NUMB: variants seen among roughly 807,000 people sequenced by gnomAD.
The protein encoded by NUMB is NUMB endocytic adaptor protein, also known as protein numb homolog.
In NUMB, 29 loss-of-function variants were observed where a neutral mutation model predicts 59.7. The ratio of observed to expected loss-of-function variants is 0.49; its 90% confidence interval spans 0.36 to 0.66. The LOEUF is 0.66. Ranked by LOEUF, NUMB falls within the 30% of genes least tolerant of loss-of-function variation. The pLI is 0.00. For synonymous variants in NUMB, 288 were observed against 288.2 expected (o/e 1.00, Z 0.01); for missense variants, 723 against 822.0 (o/e 0.88, Z 1.47).
chr14:73,379,072 G>A (rs969861821), intron 2 of NUMB, among the ~76,000 whole-genome samples: 9 of 152,014 alleles, frequency 5.9e-5, no homozygotes, highest in African/African-American at 1.7e-4. Flanking sequence ...TCAAAGAGGC[G>A]GCTAAAAAGA....
At chr14:73,420,774 C>T (rs1236964223) in intron 1 of NUMB, among the ~76,000 whole-genome samples, 5 of 152,106 alleles carry the variant, frequency 3.3e-5, no homozygotes, top group East Asian at 3.9e-4. Flanking sequence ...GAGCTGAGAT[C>T]GCACCATATT....
At chr14:73,398,583 ATT>A (rs559445136) in intron 2 of NUMB, among the ~76,000 whole-genome samples, 1 of 146,166 alleles carries the variant, frequency 6.8e-6, no homozygotes, top group Non-Finnish European at 1.5e-5. Flanking sequence ...TTATTTGGGT[ATT>A]TTTTTTTTTT....
At chr14:73,420,077 G>A (rs995265009) in intron 1 of NUMB, among the ~76,000 whole-genome samples, 6 of 152,180 alleles carry the variant, frequency 3.9e-5, no homozygotes, top group African/African-American at 9.6e-5. Flanking sequence ...TGTTGGCCAA[G>A]CTGGTCTTCC....
At chr14:73,346,687 T>A (rs1892940345) in intron 4 of NUMB, among the ~76,000 whole-genome samples, 2 of 152,066 alleles carry the variant, frequency 1.3e-5, no homozygotes, top group Non-Finnish European at 2.9e-5. Flanking sequence ...TCTCTCCTAT[T>A]CTCTAGCTAT....
At chr14:73,367,156 C>A (rs1419276359) in intron 2 of NUMB, among the ~76,000 whole-genome samples, 175 bp from the exon 3 acceptor site, 1 of 151,606 alleles carries the variant, frequency 6.6e-6, no homozygotes, top group Admixed American at 6.6e-5. Flanking sequence ...CCAAGTTACT[C>A]CAGTAACTGT....
intron 2 of NUMB, among the ~76,000 whole-genome samples, chr14:73,376,829 A>C (rs1298092938): frequency 6.6e-6 from 1 of 152,188 alleles, no homozygotes; most frequent in South Asian, 2.1e-4. Context: ...GTGTGCTATA[A>C]CTGTGCCTGT....
At chr14:73,358,456 CCAAA>C (rs1297313495) in intron 3 of NUMB, among the ~76,000 whole-genome samples, 1 of 152,122 alleles carries the variant, frequency 6.6e-6, no homozygotes, top group Admixed American at 6.5e-5. Context: ...TTACAGTTCT[CCAAA>C]CAAAGCATGC....
intron 4 of NUMB, among the ~76,000 whole-genome samples, chr14:73,324,964 T>C (rs1196483414): frequency 6.6e-6 from 1 of 151,608 alleles, no homozygotes; most frequent in East Asian, 1.9e-4. Context: ...CTTTGACCCA[T>C]GTATCCCTCT....
chr14:73,320,172 A>AT (rs1891326011), intron 5 of NUMB, among the ~76,000 whole-genome samples: 2 of 152,276 alleles, frequency 1.3e-5, no homozygotes, highest in South Asian at 2.1e-4. Context: ...TTCACTGAGC[A>AT]TAAGAAACAG....
intron 12 of NUMB, 89 bp from the exon 13 acceptor site, chr14:73,277,382 G>A: frequency 9.9e-7 from 1 of 1,014,626 alleles, no homozygotes; most frequent in Non-Finnish European, 1.4e-6. Flanking sequence ...ATCCTAACAT[G>A]TACAACATGT....
chr14:73,346,401 AC>A (rs895382028), intron 4 of NUMB, among the ~76,000 whole-genome samples: 3 of 151,076 alleles, frequency 2.0e-5, no homozygotes, highest in Admixed American at 1.3e-4. Context: ...AATTGCTTGA[AC>A]CCAGGAAGCA....
In NUMB at chr14:73,398,392, C is replaced by CAGAGAGAGAG. The variant is rs1171734636; in HGVS notation, c.-101+11535_-101+11544dup. Among the ~76,000 whole-genome samples the CAGAGAGAGAG allele has an allele frequency of 8.1e-3, 1,087 of 133,670 alleles. 14 individuals carry two copies. The highest frequency in any genetic ancestry group is 0.03 in the African/African-American group (1,033 of 34,742). The allele number at this position is 133,670 out of a possible 152,430, so 87.7% of individuals were successfully genotyped here. Reference sequence around the variant, plus strand: ...TTTGTATATGAGAGAGAGACACACACAGAGAGAGAGAGAGAGAGAGAGAGT... The same window carrying CAGAGAGAGAG: ...TTTGTATATGAGAGAGAGACACACACAGAGAGAGAGAGAGAGAGAGAGAGAGAGAGAGAGT... On this transcript the variant is annotated intron_variant, in intron 2 of 12. Coordinates refer to ENST00000555238, the MANE Select transcript of NUMB (RefSeq NM_001005743.2).
At chr14:73,372,104 G>A (rs1894700781) in intron 2 of NUMB, among the ~76,000 whole-genome samples, 1 of 150,862 alleles carries the variant, frequency 6.6e-6, no homozygotes, top group Admixed American at 6.6e-5. Context: ...ATGGTGGCAG[G>A]AGCCTGTAAT....
intron 2 of NUMB, among the ~76,000 whole-genome samples, chr14:73,372,323 ATATATATATATATAACCTTT>A (rs1367199319): frequency 1.0e-4 from 11 of 109,368 alleles, no homozygotes; most frequent in South Asian, 9.4e-4. Flanking sequence ...ATATATATAT[ATATATATATATATAACCTTT>A]TATATATATA....
intron 2 of NUMB, among the ~76,000 whole-genome samples, chr14:73,384,467 G>A (rs964794248): frequency 6.6e-6 from 1 of 152,118 alleles, no homozygotes; most frequent in Non-Finnish European, 1.5e-5. Flanking sequence ...AAAGAAAAGT[G>A]CAGTCTATGA....
Position 73,380,136 on chromosome 14 carries a change from TG to T in NUMB, c.-100-13156del, listed in dbSNP as rs546148993. On this transcript the variant is annotated intron_variant, in intron 2 of 12. Coordinates refer to ENST00000555238, the MANE Select transcript of NUMB (RefSeq NM_001005743.2). ...CCCCAGCTCCAGGAGAAACCGCATC[TG>T]AAGCCTAGCTGCAACAGAAATTGCC... is the stretch of plus-strand genomic sequence containing the variant. Among the ~76,000 whole-genome samples, 4 of 152,344 alleles carry T rather than the reference TG, an allele frequency of 2.6e-5. No homozygotes were observed. In the South Asian group the frequency reaches 8.3e-4, roughly 32 times the overall value.
chr14:73,346,631 T>G (rs969131204), intron 4 of NUMB, among the ~76,000 whole-genome samples: 4 of 152,198 alleles, frequency 2.6e-5, no homozygotes, highest in African/African-American at 9.6e-5. Context: ...CCAGCCGCAG[T>G]TGCACTTTAT....
At chr14:73,383,630 T>C (rs187700504) in intron 2 of NUMB, among the ~76,000 whole-genome samples, 4 of 152,234 alleles carry the variant, frequency 2.6e-5, no homozygotes, top group Admixed American at 2.6e-4. Context: ...CTGAAACATC[T>C]TAAATGATGA....
At chr14:73,394,450 C>T (rs1206790297) in intron 2 of NUMB, among the ~76,000 whole-genome samples, 2 of 150,738 alleles carry the variant, frequency 1.3e-5, no homozygotes, top group Non-Finnish European at 2.9e-5. Context: ...CACTCTGTTG[C>T]CCAGGCTGAA....
Sources: allele counts gnomAD v4.1 joint callset (sites outside exome capture counted in the v4.1 genomes callset), GRCh38; gene constraint gnomAD v4.1.1; transcripts MANE v1.5; gene names NCBI Gene and HGNC (gene_info 2026-07-23, HGNC 2026-07-21).